Variants in NPR3 observed in about 807,000 individuals in gnomAD.
NPR3 encodes natriuretic peptide receptor 3.
In NPR3, 34 loss-of-function variants were observed where a neutral mutation model predicts 54.5. The ratio of observed to expected loss-of-function variants is 0.62; its 90% CI spans 0.47 to 0.83. The LOEUF (loss-of-function observed/expected upper bound fraction) is 0.83. NPR3 is among the 40% of genes least tolerant of loss of function. The probability of loss-of-function intolerance (pLI) is 0.00; values close to 1 mark genes in which losing one functional copy is unlikely to be tolerated. For synonymous variants in NPR3, 289 were observed against 297.1 expected, an observed-to-expected ratio of 0.97 and a Z score of 0.28; for missense variants, 674 against 720.8, an observed-to-expected ratio of 0.94 and a Z score of 0.74.
chr5:32,777,457 C>T (rs1405995550), intron 4 of NPR3, among the ~76,000 whole-genome samples: 3 of 152,186 alleles, frequency 2.0e-5, no homozygotes, highest in African/African-American at 7.2e-5. Context: ...TGCTCTTCCT[C>T]CTTTGAGCCC....
chr5:32,747,064 A>G lies in NPR3; in HGVS notation c.1059+8034A>G, dbSNP rs546727841. ...GAATTAAAAATACATTCATAGTACT[A>G]AAGAGTTATAGATAAACATGAATCT... is the stretch of plus-strand genomic sequence containing the variant. On this transcript the variant is annotated intron_variant, in intron 3 of 7. Coordinates refer to ENST00000265074, the MANE Select transcript of NPR3 (RefSeq NM_001204375.2). Among the ~76,000 whole-genome samples, 10 of 152,336 alleles carry G rather than the reference A, an allele frequency of 6.6e-5. No homozygotes were observed. In the South Asian group the frequency reaches 1.9e-3, roughly 28 times the overall value.
chr5:32,748,990 T>G (rs1208985468), intron 3 of NPR3, among the ~76,000 whole-genome samples: 1 of 152,210 alleles, frequency 6.6e-6, no homozygotes, highest in Non-Finnish European at 1.5e-5. Flanking sequence ...TTTGCTGTCA[T>G]ATTTTTAATT....
intron 1 of NPR3, among the ~76,000 whole-genome samples, chr5:32,715,700 A>C (rs1193422878): frequency 6.6e-6 from 1 of 152,220 alleles, no homozygotes; most frequent in East Asian, 1.9e-4. Flanking sequence ...AGTTTTAAAA[A>C]GACAGGCTTA....
intron 3 of NPR3, among the ~76,000 whole-genome samples, chr5:32,747,082 A>G (rs13358397): frequency 0.11 from 17,114 of 152,236 alleles, 1,089 homozygotes; most frequent in East Asian, 0.22. Flanking sequence ...ATAGATAAAC[A>G]TGAATCTTCT....
At chr5:32,757,745 A>G (rs1382284924) in intron 3 of NPR3, among the ~76,000 whole-genome samples, 1 of 152,272 alleles carries the variant, frequency 6.6e-6, no homozygotes, top group African/African-American at 2.4e-5. Flanking sequence ...GTTTGTCATA[A>G]ATAGCTCTTA....
chr5:32,704,618 C>T (rs1424125141), upstream of NPR3, among the ~76,000 whole-genome samples: 1 of 152,140 alleles, frequency 6.6e-6, no homozygotes, highest in African/African-American at 2.4e-5. Flanking sequence ...GACTGGATCC[C>T]AACCCAGACA....
At position 32,786,987 on chromosome 5, in the gene NPR3, C is replaced by T. The variant is rs1170586160; in HGVS notation, c.*642C>T. 6.6e-6 allele frequency: 1 copy of T among 151,256 alleles called. No homozygotes were observed. Among genetic ancestry groups the T allele is most frequent in the Admixed American group, 6.6e-5 (1 of 15,148 alleles). 9.4% of individuals were successfully genotyped at this position (151,256 alleles called of 1,614,324 possible). The stretch of plus-strand genomic sequence containing the variant: ...AATATTAGTGAGATGGGAGGATTTA[C>T]AGAAGAAAAGCAAGTCAAAAATATT... On this transcript the variant is annotated 3_prime_UTR_variant, in exon 8 of 8. Coordinates refer to ENST00000265074, the MANE Select transcript of NPR3 (RefSeq NM_001204375.2).
chr5:32,712,075 A>T lies in NPR3; in HGVS notation c.299A>T (p.Gln100Leu). The T allele has an allele frequency of 6.2e-7, 1 of 1,613,824 alleles. No homozygotes were observed. Residue 100 changes from glutamine to leucine, a missense_variant, in exon 1 of 8, where the codon CAG (glutamine) becomes CTG (leucine). Coordinates refer to ENST00000265074, the MANE Select transcript of NPR3 (RefSeq NM_001204375.2). The stretch of plus-strand genomic sequence containing the variant: ...CTTCTGCCGCCGGGCACTCGCTTCC[A>T]GGTGGCTTACGAGGATTCAGACTGT... ...RRLLPPGTRF[Q>L]VAYEDSDCGN... is the part of the protein sequence containing the mutation.
At chr5:32,732,506 C>T (rs1337024468) in intron 2 of NPR3, among the ~76,000 whole-genome samples, 16 of 152,154 alleles carry the variant, frequency 1.1e-4, no homozygotes, top group Admixed American at 7.9e-4. Flanking sequence ...GGACTCACTG[C>T]TATCCTACAT....
chr5:32,772,595 A>T (rs1264764266), intron 3 of NPR3, among the ~76,000 whole-genome samples: 1 of 152,226 alleles, frequency 6.6e-6, no homozygotes, highest in Admixed American at 6.5e-5. Context: ...TGAGTGTAAA[A>T]TGGGCCAATA....
At chr5:32,730,817 TA>T (rs1256078365) in intron 2 of NPR3, among the ~76,000 whole-genome samples, 6 of 152,066 alleles carry the variant, frequency 3.9e-5, no homozygotes, top group Admixed American at 6.6e-5. Flanking sequence ...ATGAAAGAAA[TA>T]AAAAAATCTG....
At chr5:32,702,521 T>G (rs1218949609) in intron 1 of NPR3, among the ~76,000 whole-genome samples, 10 of 151,500 alleles carry the variant, frequency 6.6e-5, no homozygotes, top group Non-Finnish European at 7.4e-5. Flanking sequence ...TTGGTTTTTT[T>G]TGTCCTTACG....
chr5:32,741,718 T>C (rs1740044479), intron 3 of NPR3, among the ~76,000 whole-genome samples: 1 of 152,120 alleles, frequency 6.6e-6, no homozygotes, highest in Non-Finnish European at 1.5e-5. Context: ...CTTATTTTAG[T>C]TCTGAAGATG....
chr5:32,708,591 G>A (rs115903602), upstream of NPR3, among the ~76,000 whole-genome samples: 2,261 of 152,264 alleles, frequency 0.015, 60 homozygotes, highest in African/African-American at 0.052. Flanking sequence ...GGGATGAAGA[G>A]GTATTTAAGT....
intron 3 of NPR3, 94 bp from the exon 4 acceptor site, chr5:32,774,614 G>A (rs1741943886): frequency 1.1e-6 from 1 of 914,848 alleles, no homozygotes; most frequent in Non-Finnish European, 1.8e-6. Context: ...TAACAGACCT[G>A]AAGTCTAACT....
At chr5:32,693,257 C>T (rs1397160250) in intron 1 of NPR3, among the ~76,000 whole-genome samples, 1 of 152,134 alleles carries the variant, frequency 6.6e-6, no homozygotes, top group Non-Finnish European at 1.5e-5. Context: ...GCTAATTTCA[C>T]TTTGAATTAT....
At position 32,712,033 on chromosome 5, in the gene NPR3, A is replaced by G. The variant is rs1424099431; in HGVS notation, c.257A>G (p.Asn86Ser). The G allele has an allele frequency of 1.2e-6, 2 of 1,613,830 alleles. No individual in the cohort carries two copies. Among genetic ancestry groups the G allele is most frequent in the Admixed American group, 1.7e-5 (1 of 60,006 alleles). Residue 86 changes from asparagine to serine, a missense_variant, in exon 1 of 8, where the codon AAC becomes AGC. By Grantham distance (46) the Asn-to-Ser change is conservative. Transcript: ENST00000265074. Reference sequence around the variant, plus strand: ...TATGCTCTGCGCAGCGTGGAGGGCAACGGGACTGGGAGGCGGCTTCTGCCG... The same window carrying G: ...TATGCTCTGCGCAGCGTGGAGGGCAGCGGGACTGGGAGGCGGCTTCTGCCG... ...IEYALRSVEG[N>S]GTGRRLLPPG...
At chr5:32,759,857 A>G (rs953626274) in intron 3 of NPR3, among the ~76,000 whole-genome samples, 2 of 151,990 alleles carry the variant, frequency 1.3e-5, no homozygotes, top group African/African-American at 4.8e-5. Flanking sequence ...TTTCTCCTTC[A>G]CTTATGAAGC....
chr5:32,787,851 A>G lies in NPR3; in HGVS notation c.*1506A>G, dbSNP rs899255130. ...TGAGAGTGCACCGTCTTGGAATTAC[A>G]TAACTGGGGTCTTTCCTCAATAACA... On this transcript the variant is annotated 3_prime_UTR_variant, in exon 8 of 8. Coordinates refer to ENST00000265074, the MANE Select transcript of NPR3 (RefSeq NM_001204375.2). 2 of 152,240 alleles carry G rather than the reference A, an allele frequency of 1.3e-5. No individual in the cohort carries two copies. The highest frequency in any genetic ancestry group is 4.8e-5 in the African/African-American group (2 of 41,464). The allele number at this position is 152,240 out of a possible 1,614,324, so 9.4% of individuals were successfully genotyped here.
Sources: allele counts gnomAD v4.1 joint callset (sites outside exome capture counted in the v4.1 genomes callset), GRCh38; gene constraint gnomAD v4.1.1; transcripts MANE v1.5; gene names NCBI Gene and HGNC (gene_info 2026-07-23, HGNC 2026-07-21).